Variants in SOX5 observed in about 807,000 individuals in gnomAD.
The protein encoded by SOX5 is transcription factor SOX-5.
In SOX5, 9 loss-of-function variants were observed where a neutral mutation model predicts 92.0. The ratio of observed to expected loss-of-function variants is 0.10; its 90% CI spans 0.06 to 0.17. SOX5 has a LOEUF of 0.17. Ranked by LOEUF, SOX5 falls within the 10% of genes least tolerant of loss-of-function variation. The pLI, the probability that SOX5 is intolerant of heterozygous loss-of-function variation, is 1.00. For synonymous variants in SOX5, 344 were observed against 336.3 expected (o/e 1.02, Z -0.25); for missense variants, 642 against 944.5 (o/e 0.68, Z 4.20).
intron 7 of SOX5, among the ~76,000 whole-genome samples, chr12:23,650,758 G>A (rs1419575747): frequency 1.3e-5 from 2 of 152,090 alleles, no homozygotes; most frequent in South Asian, 2.1e-4. Flanking sequence ...GAAGCAAGTA[G>A]AGCTCATATC....
At chr12:23,939,045 T>G (rs1943132169) in intron 1 of SOX5, among the ~76,000 whole-genome samples, 2 of 151,050 alleles carry the variant, frequency 1.3e-5, no homozygotes, top group African/African-American at 4.8e-5. Flanking sequence ...AATATTTTTA[T>G]GATTTTTTAT....
intron 1 of SOX5, among the ~76,000 whole-genome samples, chr12:23,899,367 T>A (rs566634407): frequency 6.9e-6 from 1 of 145,720 alleles, no homozygotes; most frequent in African/African-American, 2.6e-5. Context: ...CACCATTGCA[T>A]CCAGCCTGGG....
At chr12:24,374,209 T>TGTGA (rs1957015589) in intron 1 of SOX5, among the ~76,000 whole-genome samples, 1 of 152,170 alleles carries the variant, frequency 6.6e-6, no homozygotes, top group South Asian at 2.1e-4. Flanking sequence ...TGCAGAAGCC[T>TGTGA]GTGAGTGGCA....
In SOX5 at chr12:23,559,771, C is replaced by A. The variant is rs533914223; in HGVS notation, c.1488+3487G>T. On this transcript the variant is annotated intron_variant, in intron 11 of 14. Coordinates refer to ENST00000451604, the MANE Select transcript of SOX5 (RefSeq NM_006940.6). Reference sequence around the variant, plus strand: ...TCATCTGGAGCTCAGGTCATGATATCTTTTATGTTGATGTAAAGCACCCGG... The same window carrying A: ...TCATCTGGAGCTCAGGTCATGATATATTTTATGTTGATGTAAAGCACCCGG... Among the ~76,000 whole-genome samples, 3 of 152,248 alleles carry A rather than the reference C, an allele frequency of 2.0e-5. No individual in the cohort carries two copies. In the South Asian group the frequency reaches 6.2e-4, roughly 32 times the overall value.
At chr12:24,506,174 G>C (rs1331597388) in intron 1 of SOX5, among the ~76,000 whole-genome samples, 1 of 151,810 alleles carries the variant, frequency 6.6e-6, no homozygotes, top group Non-Finnish European at 1.5e-5. Flanking sequence ...ATCTTTACAT[G>C]ACAATAGTTA....
chr12:23,643,042 C>G (rs1321516477), intron 7 of SOX5, among the ~76,000 whole-genome samples: 1 of 106,566 alleles, frequency 9.4e-6, no homozygotes, highest in East Asian at 3.5e-4. Context: ...AGCCGAGATC[C>G]CGCCACTGCA....
intron 4 of SOX5, among the ~76,000 whole-genome samples, chr12:24,111,820 A>T (rs1313014250): frequency 6.6e-6 from 1 of 152,188 alleles, no homozygotes; most frequent in Non-Finnish European, 1.5e-5. Flanking sequence ...CACAACTTCA[A>T]TCATTACTCA....
chr12:23,945,479 C>T (rs1944431034), intron 1 of SOX5, among the ~76,000 whole-genome samples: 1 of 152,108 alleles, frequency 6.6e-6, no homozygotes, highest in Non-Finnish European at 1.5e-5. Flanking sequence ...AGGTCTCCTG[C>T]CAAGTCTTCA....
At chr12:23,796,290 T>C (rs1171174053) in intron 3 of SOX5, among the ~76,000 whole-genome samples, 2 of 152,064 alleles carry the variant, frequency 1.3e-5, no homozygotes, top group East Asian at 1.9e-4. Context: ...AAGATGGTGA[T>C]GGTCAATGGA....
intron 1 of SOX5, among the ~76,000 whole-genome samples, chr12:23,908,276 A>G (rs2097314255): frequency 6.6e-6 from 1 of 152,170 alleles, no homozygotes; most frequent in Admixed American, 6.6e-5. Flanking sequence ...CCCAGCAGAA[A>G]TGAGAAAGGA....
chr12:24,011,675 A>T (rs1424067995), intron 4 of SOX5, among the ~76,000 whole-genome samples: 1 of 152,162 alleles, frequency 6.6e-6, no homozygotes. Flanking sequence ...TGGAGTTAAA[A>T]TCACCTTAAC....
intron 3 of SOX5, among the ~76,000 whole-genome samples, chr12:23,800,833 C>T (rs1359573658): frequency 1.3e-5 from 2 of 152,072 alleles, no homozygotes; most frequent in Admixed American, 6.6e-5. Flanking sequence ...TAGCCTTTAC[C>T]TGTTTGCTTA....
chr12:24,375,836 A>G (rs1015398793), intron 1 of SOX5, among the ~76,000 whole-genome samples: 2 of 152,334 alleles, frequency 1.3e-5, no homozygotes, highest in African/African-American at 4.8e-5. Context: ...ATGTGTCTCA[A>G]AAATTATTAC....
intron 11 of SOX5, among the ~76,000 whole-genome samples, chr12:23,552,205 G>A (rs574789158): frequency 7.9e-5 from 12 of 151,970 alleles, no homozygotes; most frequent in African/African-American, 2.9e-4. Context: ...GAGGAAATAT[G>A]ACTTTAGCAC....
intron 1 of SOX5, among the ~76,000 whole-genome samples, chr12:24,499,484 G>C (rs552944839): frequency 3.9e-5 from 6 of 152,218 alleles, no homozygotes; most frequent in Non-Finnish European, 8.8e-5. Context: ...AAGGAACCTG[G>C]AGCATGCTCA....
intron 1 of SOX5, among the ~76,000 whole-genome samples, chr12:24,447,314 C>T (rs369343441): frequency 2.6e-5 from 4 of 152,296 alleles, no homozygotes; most frequent in East Asian, 1.9e-4. Context: ...AGCTTTGTGA[C>T]CTTCCTCTCC....
chr12:24,455,755 G>A (rs766797951), intron 1 of SOX5, among the ~76,000 whole-genome samples: 1 of 152,272 alleles, frequency 6.6e-6, no homozygotes, highest in African/African-American at 2.4e-5. Context: ...GGCTTGTGCT[G>A]TGCCCCTGGA....
rs115590313 is a variant in SOX5, at chr12:23,973,645, C to A, written c.-1-77621G>T. Among the ~76,000 whole-genome samples the A allele has an allele frequency of 6.9e-3, 1,051 of 152,282 alleles. 15 individuals carry two copies. Among genetic ancestry groups the A allele is most frequent in the African/African-American group, 0.024 (1,003 of 41,556 alleles). On this transcript the variant is annotated intron_variant, in intron 4 of 4. Transcript: ENST00000446891. Reference sequence around the variant, plus strand: ...CAATACTCATGGTGGATGCCTGAAACGTCTGATATACCAAATCCTGTATAC... The same window carrying A: ...CAATACTCATGGTGGATGCCTGAAAAGTCTGATATACCAAATCCTGTATAC...
chr12:24,090,696 A>G (rs1367575067), intron 4 of SOX5, among the ~76,000 whole-genome samples: 2 of 152,178 alleles, frequency 1.3e-5, no homozygotes, highest in Admixed American at 1.3e-4. Flanking sequence ...CCCATATACT[A>G]TCAATGTAAG....
Sources: gnomAD v4.1 joint callset for allele counts (sites outside exome capture counted in the v4.1 genomes callset) on GRCh38, gnomAD v4.1.1 for gene constraint, MANE v1.5 for transcripts, NCBI Gene and HGNC (gene_info 2026-07-23, HGNC 2026-07-21) for gene names.